The following ZC3H13 variants were observed in gnomAD, a reference collection of about 807,000 sequenced individuals.
ZC3H13 encodes the protein zinc finger CCCH domain-containing protein 13.
ZC3H13 carries 64 observed loss-of-function variants against 204.1 expected under a neutral mutation model. That is an observed-to-expected ratio of 0.31 (90% CI 0.26 to 0.39). The LOEUF is 0.39. ZC3H13 is among the 10% of genes least tolerant of loss of function. The pLI, the probability that ZC3H13 is intolerant of heterozygous loss-of-function variation, is 1.00. For missense variants in ZC3H13, 1,833 were observed against 2,082.7 expected, an observed-to-expected ratio of 0.88 and a Z score of 2.33; for synonymous variants, 667 against 693.7, an observed-to-expected ratio of 0.96 and a Z score of 0.60.
In ZC3H13 at chr13:46,045,452, CTAT is replaced by C. The variant is rs1566366292; in HGVS notation, c.53_55del (p.Asp18_Ser19delinsGly). ...AAATACACTGGGTCTTCGGGATGTG[CTAT>C]CAGATATAGTCTTGGTATTTTCCAC... is the stretch of plus-strand genomic sequence containing the variant. On this transcript the variant is annotated inframe_deletion, in exon 2 of 19. Coordinates refer to ENST00000679008, the MANE Select transcript of ZC3H13 (RefSeq NM_001330564.2). The C allele has an allele frequency of 6.2e-7, 1 of 1,614,122 alleles. No homozygotes were observed. The highest frequency in any genetic ancestry group is 1.7e-5 in the Admixed American group (1 of 60,028).
chr13:46,042,218 G>T lies in ZC3H13; in HGVS notation c.285C>A (p.Asp95Glu). Residue 95 changes from aspartate to glutamate, a missense_variant, in exon 4 of 19, where the codon GAC (aspartate) becomes GAA (glutamate). Asp to Glu is a conservative substitution (Grantham distance 45). Around this residue, in one of 5 missense-constraint regions of ZC3H13, gnomAD observed 1,574 missense variants for 1,757.2 expected, o/e 0.90. Coordinates refer to ENST00000679008, the MANE Select transcript of ZC3H13 (RefSeq NM_001330564.2). ...TTCGTTTCTGGGGCTCAGTGTCCAC[G>T]TCTTGGCGCTTGTTCTTCATTCTTT... ...LRERMKNKRQ[D>E]VDTEPQKRNT... The T allele has an allele frequency of 3.1e-6, 5 of 1,613,432 alleles. No individual in the cohort carries two copies. The highest frequency in any genetic ancestry group is 4.2e-6 in the Non-Finnish European group (5 of 1,179,536).
intron 4 of ZC3H13, among the ~76,000 whole-genome samples, chr13:46,027,411 T>C (rs2042609839): frequency 6.6e-6 from 1 of 152,266 alleles, no homozygotes; most frequent in Non-Finnish European, 1.5e-5. Flanking sequence ...GGTGAGATAC[T>C]GTGTCTGGTG....
Position 46,011,328 on chromosome 13 carries a change from T to C in ZC3H13, c.588+87A>G, listed in dbSNP as rs933851825. The stretch of plus-strand genomic sequence containing the variant: ...TCAATATATCAGTATACTAATATAA[T>C]TTAAGATGTAGCAAGAAGCTGAGTT... On this transcript the variant is annotated intron_variant, in intron 6 of 18. Transcript: ENST00000679008. The C allele has an allele frequency of 7.1e-5, 89 of 1,253,808 alleles. 1 individual carries two copies. Among genetic ancestry groups the C allele is most frequent in the Admixed American group, 1.5e-4 (6 of 40,048 alleles). The allele number at this position is 1,253,808 out of a possible 1,614,324, so 77.7% of individuals were successfully genotyped here.
At chr13:46,050,869 T>G (rs918846782) in intron 1 of ZC3H13, among the ~76,000 whole-genome samples, 2 of 151,546 alleles carry the variant, frequency 1.3e-5, no homozygotes, top group African/African-American at 4.9e-5. Context: ...TACTCTAAAG[T>G]GAAGTAAAAA....
chr13:46,007,972 A>G (rs1026036479), intron 7 of ZC3H13, among the ~76,000 whole-genome samples: 3 of 152,230 alleles, frequency 2.0e-5, no homozygotes, highest in South Asian at 2.1e-4. Context: ...AGATTATACC[A>G]TATCTCATAT....
In ZC3H13 at chr13:46,003,276, AGGAGGG is replaced by A. The variant is rs756066004; in HGVS notation, c.801_806del (p.Pro268_Pro269del). On this transcript the variant is annotated inframe_deletion, in exon 8 of 19. Transcript: ENST00000679008. Reference sequence around the variant, plus strand: ...TCCCCAGAGCGATATCTTCTGGTATAGGAGGGGGTGGACTAGGAGTACGTGGTCCTT... The same window carrying A: ...TCCCCAGAGCGATATCTTCTGGTATAGGTGGACTAGGAGTACGTGGTCCTT... 11 of 1,612,942 alleles carry A rather than the reference AGGAGGG, an allele frequency of 6.8e-6. No homozygotes were observed. The highest frequency in any genetic ancestry group is 8.5e-6 in the Non-Finnish European group (10 of 1,179,746).
In ZC3H13 at chr13:45,985,317, A is replaced by ATTC. The variant is rs1954076094; in HGVS notation, c.1699_1700insGAA (p.Val567delinsGlyIle). ...CTTACCCTTTTCAGGTAACTCAGGA[A>ATTC]CCCTCCCCCTACTTCGGCCCATTCG... On this transcript the variant is annotated protein_altering_variant, in exon 10 of 19. Transcript: ENST00000679008. 6.2e-7 allele frequency: 1 copy of ATTC among 1,613,254 alleles called. No homozygotes were observed.
At chr13:46,033,947 A>G (rs937453991) in intron 4 of ZC3H13, among the ~76,000 whole-genome samples, 1 of 152,168 alleles carries the variant, frequency 6.6e-6, no homozygotes, top group Non-Finnish European at 1.5e-5. Flanking sequence ...TATACAGAAT[A>G]TTACCAATTG....
intron 8 of ZC3H13, among the ~76,000 whole-genome samples, chr13:46,002,231 C>T (rs1217077091): frequency 1.3e-5 from 2 of 152,064 alleles, no homozygotes; most frequent in Admixed American, 6.6e-5. Context: ...GAGATAAACA[C>T]ACCTATTCGA....
At chr13:45,973,751 G>C (rs1249322886) in intron 12 of ZC3H13, among the ~76,000 whole-genome samples, 1 of 116,506 alleles carries the variant, frequency 8.6e-6, no homozygotes, top group Non-Finnish European at 1.7e-5. Context: ...TTTAATCTTA[G>C]AAAATAAAGA....
chr13:46,035,248 C>T (rs1057224518), intron 4 of ZC3H13, among the ~76,000 whole-genome samples: 1 of 152,158 alleles, frequency 6.6e-6, no homozygotes, highest in Non-Finnish European at 1.5e-5. Context: ...GTAAATAAAC[C>T]TTCAAGTGAT....
intron 5 of ZC3H13, among the ~76,000 whole-genome samples, chr13:46,019,871 A>T (rs2042122444): frequency 6.6e-6 from 1 of 152,120 alleles, no homozygotes; most frequent in Non-Finnish European, 1.5e-5. Flanking sequence ...AGGCAGGAGG[A>T]CTGCTTGACT....
chr13:45,986,656 T>A (rs188969269), intron 9 of ZC3H13, among the ~76,000 whole-genome samples: 1 of 152,198 alleles, frequency 6.6e-6, no homozygotes, highest in Non-Finnish European at 1.5e-5. Context: ...AAATCTGATA[T>A]GAAGCCAAAG....
intron 7 of ZC3H13, among the ~76,000 whole-genome samples, chr13:46,005,326 GTTAC>G (rs1277936816): frequency 6.6e-6 from 1 of 152,028 alleles, no homozygotes; most frequent in Non-Finnish European, 1.5e-5. Flanking sequence ...TTATTACACA[GTTAC>G]TGTATCTCTT....
intron 9 of ZC3H13, among the ~76,000 whole-genome samples, chr13:45,987,166 G>A (rs771784164): frequency 6.6e-6 from 1 of 151,982 alleles, no homozygotes; most frequent in Non-Finnish European, 1.5e-5. Flanking sequence ...TCCTTCCACC[G>A]AAATTATCCT....
At chr13:45,992,834 T>C (rs1265974832) in intron 8 of ZC3H13, among the ~76,000 whole-genome samples, 2 of 152,148 alleles carry the variant, frequency 1.3e-5, no homozygotes, top group Non-Finnish European at 2.9e-5. Context: ...GCCTGACTGC[T>C]TGAGCTGAAC....
At chr13:45,966,501 A>G (rs1952096987) in intron 15 of ZC3H13, among the ~76,000 whole-genome samples, 1 of 152,196 alleles carries the variant, frequency 6.6e-6, no homozygotes. Context: ...TAAAAACTTT[A>G]CATCACATAG....
intron 10 of ZC3H13, among the ~76,000 whole-genome samples, chr13:45,980,252 TAA>T (rs1953444855): frequency 6.6e-6 from 1 of 151,854 alleles, no homozygotes; most frequent in African/African-American, 2.4e-5. Context: ...CATAAAATAA[TAA>T]GATTCATTAA....
At chr13:46,010,618 G>A (rs564585518) in intron 6 of ZC3H13, 113 bp from the exon 7 acceptor site, 18 of 1,144,086 alleles carry the variant, frequency 1.6e-5, no homozygotes, top group African/African-American at 6.2e-5. Context: ...TATTATTGCC[G>A]GGTGCAGTGG....
Sources: gnomAD v4.1 joint callset for allele counts (sites outside exome capture counted in the v4.1 genomes callset) on GRCh38, gnomAD v4.1.1 for gene constraint, gnomAD v4.1.1 regional missense constraint, MANE v1.5 for transcripts, NCBI Gene and HGNC (gene_info 2026-07-23, HGNC 2026-07-21) for gene names.